Variants in SHISAL2A observed in about 807,000 individuals in gnomAD.
The protein encoded by SHISAL2A is shisa like 2A.
A neutral mutation model predicts 11.5 loss-of-function variants in SHISAL2A; 18 were observed. The observed-to-expected ratio is 1.57, with a 90% CI of 1.08 to 2.33. SHISAL2A has a LOEUF of 2.33. Among genes scored for constraint, SHISAL2A ranks in the 30% most tolerant of loss-of-function variants. The pLI is 0.00. For missense variants in SHISAL2A, 261 were observed against 250.9 expected, an observed-to-expected ratio of 1.04 and a Z score of -0.27; for synonymous variants, 94 against 99.6, an observed-to-expected ratio of 0.94 and a Z score of 0.34.
Position 52,633,725 on chromosome 1 carries a change from G to A in SHISAL2A, c.182+50G>A, listed in dbSNP as rs771950185. On this transcript the variant is annotated intron_variant, in intron 1 of 2. Coordinates refer to ENST00000517870, the MANE Select transcript of SHISAL2A (RefSeq NM_001042693.3). This position sits in a 1 kb window ranked among gnomAD's most constrained non-coding sequence, Gnocchi z 6.4. Reference sequence around the variant, plus strand: ...CCTTGAACCCCACTCCAGTCTCAGCGCCTTCACCCCAGCCTCAGCCCCCAC... The same window carrying A: ...CCTTGAACCCCACTCCAGTCTCAGCACCTTCACCCCAGCCTCAGCCCCCAC... 2 of 1,495,174 alleles carry A rather than the reference G, an allele frequency of 1.3e-6. No individual in the cohort carries two copies. Among genetic ancestry groups the A allele is most frequent in the South Asian group, 2.3e-5 (2 of 86,526 alleles). The allele number at this position is 1,495,174 out of a possible 1,614,324, so 92.6% of individuals were successfully genotyped here.
chr1:52,651,830 G>A (rs961788835), intron 2 of SHISAL2A, among the ~76,000 whole-genome samples: 2 of 152,222 alleles, frequency 1.3e-5, no homozygotes, highest in African/African-American at 4.8e-5. Context: ...AGTCTATTAT[G>A]TAGACAGAAT....
At position 52,650,643 on chromosome 1, in the gene SHISAL2A, CTT is replaced by C. The variant is rs35001247; in HGVS notation, c.323-6129_323-6128del. On this transcript the variant is annotated intron_variant, in intron 2 of 2. Transcript: ENST00000517870. ...ATACCATTTTCTTTTTTTTAAAACC[CTT>C]TTTTTTTTTTTTTTTTTGAGACAGA... Among the ~76,000 whole-genome samples the C allele has an allele frequency of 5.6e-3, 601 of 108,102 alleles. 3 individuals carry two copies. Among genetic ancestry groups the C allele is most frequent in the African/African-American group, 0.017 (496 of 28,808 alleles). 70.9% of individuals were successfully genotyped at this position (108,102 alleles called of 152,430 possible).
Position 52,633,963 on chromosome 1 carries a change from C to A in SHISAL2A, c.182+288C>A, listed in dbSNP as rs1691188531. Among the ~76,000 whole-genome samples the A allele has an allele frequency of 1.3e-5, 2 of 152,074 alleles. No individual in the cohort carries two copies. The highest frequency in any genetic ancestry group is 2.4e-5 in the African/African-American group (1 of 41,406). On this transcript the variant is annotated intron_variant, in intron 1 of 2. Coordinates refer to ENST00000517870, the MANE Select transcript of SHISAL2A (RefSeq NM_001042693.3). This position sits in a 1 kb window ranked among gnomAD's most constrained non-coding sequence, Gnocchi z 6.4. ...AACTTCATTCCATCACCACCCTCAT[C>A]CCAACCCCAAATCACATATCAAGCC...
chr1:52,656,615 A>T (rs1691794930), intron 2 of SHISAL2A, among the ~76,000 whole-genome samples, 175 bp from the exon 3 acceptor site: 1 of 152,226 alleles, frequency 6.6e-6, no homozygotes, highest in Admixed American at 6.5e-5. Flanking sequence ...AGCAACACTG[A>T]CAGCTCTCAG....
At chr1:52,646,412 G>A (rs1691500873) in intron 2 of SHISAL2A, among the ~76,000 whole-genome samples, 1 of 151,176 alleles carries the variant, frequency 6.6e-6, no homozygotes, top group South Asian at 2.1e-4. Context: ...CCTACATCAA[G>A]TACAAATAAT....
Position 52,642,859 on chromosome 1 carries a change from C to G in SHISAL2A, c.183-4C>G. ...TCAGCTCCCATGTGGTCTTCTCTTC[C>G]CAGCATTGGCGCTCTCATAGGCCTG... On this transcript the variant is annotated splice_polypyrimidine_tract_variant and splice_region_variant and intron_variant, in intron 1 of 2. Coordinates refer to ENST00000517870, the MANE Select transcript of SHISAL2A (RefSeq NM_001042693.3). 6.2e-7 allele frequency: 1 copy of G among 1,612,828 alleles called. No homozygotes were observed. Among genetic ancestry groups the G allele is most frequent in the Middle Eastern group, 2.0e-4 (1 of 5,068 alleles).
chr1:52,654,102 G>T (rs1691735193), intron 2 of SHISAL2A, among the ~76,000 whole-genome samples: 1 of 152,018 alleles, frequency 6.6e-6, no homozygotes, highest in Non-Finnish European at 1.5e-5. Context: ...GTAGAGATGG[G>T]TTCTTGCTAT....
intron 1 of SHISAL2A, among the ~76,000 whole-genome samples, chr1:52,641,821 G>T (rs1254708912): frequency 2.0e-5 from 3 of 151,938 alleles, no homozygotes; most frequent in Admixed American, 2.0e-4. Flanking sequence ...GTGGGAGGGG[G>T]TGCCAGCATG....
downstream of SHISAL2A, among the ~76,000 whole-genome samples, chr1:52,659,135 A>C (rs1302289393): frequency 2.0e-5 from 3 of 151,788 alleles, no homozygotes; most frequent in Non-Finnish European, 2.9e-5. Flanking sequence ...TGGAGATCAT[A>C]GCTCACTGCA....
At chr1:52,662,775 C>A (rs1487176821) in intron 4 of SHISAL2A, among the ~76,000 whole-genome samples, 1 of 152,110 alleles carries the variant, frequency 6.6e-6, no homozygotes, top group African/African-American at 2.4e-5. Flanking sequence ...CAGGTCTTGT[C>A]CTGGGCTCTA....
chr1:52,669,135 T>C (rs1216170614), exon 6 of SHISAL2A: 1 of 141,068 alleles, frequency 7.1e-6, no homozygotes, highest in East Asian at 2.0e-4. Context: ...AGCAGCCAAT[T>C]GGATCTTTTT....
intron 2 of SHISAL2A, among the ~76,000 whole-genome samples, chr1:52,643,389 G>C (rs1276012626): frequency 6.6e-6 from 1 of 152,146 alleles, no homozygotes; most frequent in East Asian, 1.9e-4. Flanking sequence ...CGAAATACAA[G>C]CGCTTTTATT....
rs1193888477 is a variant in SHISAL2A, at chr1:52,633,538, G to T, written c.45G>T (p.Val15=). ...CTSYVSAEQE[V]VRGFSCPRPG... The stretch of plus-strand genomic sequence containing the variant: ...GCTACGTGAGCGCAGAGCAGGAGGT[G>T]GTGCGCGGCTTCAGCTGCCCGCGGC... The change falls in exon 1 of 3, where the codon GTG becomes GTT. Residue 15 remains valine (V), a synonymous_variant. Transcript: ENST00000517870. The surrounding 1 kb of genome is among the most constrained non-coding windows in gnomAD (Gnocchi z 6.4). The T allele has an allele frequency of 3.1e-6, 5 of 1,605,472 alleles. No homozygotes were observed. The highest frequency in any genetic ancestry group is 4.2e-6 in the Non-Finnish European group (5 of 1,176,708).
chr1:52,663,638 G>A (rs1280474380), intron 4 of SHISAL2A, among the ~76,000 whole-genome samples: 2 of 152,162 alleles, frequency 1.3e-5, no homozygotes, highest in Non-Finnish European at 2.9e-5. Flanking sequence ...GCGCATGCCT[G>A]TGATCCCAGC....
At chr1:52,654,427 G>A (rs1308935680) in intron 2 of SHISAL2A, among the ~76,000 whole-genome samples, 1 of 152,168 alleles carries the variant, frequency 6.6e-6, no homozygotes, top group East Asian at 1.9e-4. Context: ...CAGTAAGGAG[G>A]ATAGTGTGGT....
intron 2 of SHISAL2A, among the ~76,000 whole-genome samples, chr1:52,652,965 CAAAAAAAAAAAAAAAA>C (rs36154490): frequency 5.4e-4 from 12 of 22,374 alleles, no homozygotes; most frequent in Admixed American, 3.1e-3. Flanking sequence ...GACTCTGTCT[CAAAAAAAAAAAAAAAA>C]AAAAAAAAAA....
At chr1:52,667,777 C>A (rs535245528) in intron 5 of SHISAL2A, 1 of 152,174 alleles carries the variant, frequency 6.6e-6, no homozygotes, top group African/African-American at 2.4e-5. Context: ...AGACATGGAC[C>A]ATCAAGGCAG....
At chr1:52,667,196 C>T (rs1484587608) in intron 4 of SHISAL2A, among the ~76,000 whole-genome samples, 2 of 152,202 alleles carry the variant, frequency 1.3e-5, no homozygotes, top group African/African-American at 2.4e-5. Context: ...GAGACTGAGG[C>T]TCTGAAAGGT....
intron 2 of SHISAL2A, among the ~76,000 whole-genome samples, chr1:52,649,724 C>T (rs1691584717): frequency 6.6e-6 from 1 of 152,194 alleles, no homozygotes; most frequent in Non-Finnish European, 1.5e-5. Context: ...ACTACTCTGC[C>T]TGGTGATTAT....
Sources: gnomAD v4.1 joint callset for allele counts (sites outside exome capture counted in the v4.1 genomes callset) on GRCh38, gnomAD v4.1.1 for gene constraint, Gnocchi (gnomAD v3.1) non-coding constraint, MANE v1.5 for transcripts, NCBI Gene and HGNC (gene_info 2026-07-23, HGNC 2026-07-21) for gene names.